The following ZNF837 variants were observed in gnomAD, a reference collection of about 807,000 sequenced individuals.
The protein encoded by ZNF837 is zinc finger protein 837.
For synonymous variants in ZNF837, 475 were observed against 365.2 expected (o/e 1.30, Z -3.43); for missense variants, 955 against 801.7 (o/e 1.19, Z -2.31).
chr19:58,378,260 G>T (rs2052265262), intron 1 of ZNF837, among the ~76,000 whole-genome samples: 1 of 152,198 alleles, frequency 6.6e-6, no homozygotes, highest in African/African-American at 2.4e-5. Flanking sequence ...CTGAGCAGCA[G>T]GAGGTCAGGG....
At chr19:58,377,673 C>A (rs1420345177) in intron 1 of ZNF837, among the ~76,000 whole-genome samples, 3 of 152,176 alleles carry the variant, frequency 2.0e-5, no homozygotes, top group Admixed American at 2.0e-4. Flanking sequence ...TCATTAGAAA[C>A]TGAACATGCT....
intron 1 of ZNF837, among the ~76,000 whole-genome samples, chr19:58,378,147 C>T (rs1011920894): frequency 2.0e-5 from 3 of 152,192 alleles, no homozygotes; most frequent in Non-Finnish European, 4.4e-5. Flanking sequence ...GATCTGAGGT[C>T]CCCACACATA....
rs750829621 is a variant in ZNF837 at position 58,367,839 on chromosome 19, C to T, written c.1494G>A (p.Thr498=). 20 of 1,534,062 alleles carry T rather than the reference C, an allele frequency of 1.3e-5. No homozygotes were observed. Among genetic ancestry groups the T allele is most frequent in the Middle Eastern group, 1.7e-4 (1 of 5,928 alleles). ...CTCCGCACGCGTAGGGCCGCTCGCC[C>T]GTGTGCGTGCGCAGGTGGCGCACCA... The part of the protein sequence containing the change: ...CSLVRHLRTH[T]GERPYACGDC... Residue 498 remains threonine (T), a synonymous_variant, in exon 3 of 3, where the codon ACG becomes ACA. Coordinates refer to ENST00000597582, the MANE Select transcript of ZNF837 (RefSeq NM_138466.2).
Position 58,368,271 on chromosome 19 carries a change from C to G in ZNF837, c.1062G>C (p.Arg354=). 1.3e-6 allele frequency: 2 copies of G among 1,482,486 alleles called. No individual in the cohort carries two copies. The highest frequency in any genetic ancestry group is 1.8e-6 in the Non-Finnish European group (2 of 1,122,612). 91.8% of individuals were successfully genotyped at this position (1,482,486 alleles called of 1,614,324 possible). The change falls in exon 3 of 3, where the codon CGG becomes CGC. Residue 354 remains arginine (R), a synonymous_variant. Transcript: ENST00000597582. ...CGDYSERSPR[R]GSGAGEKPYE... The stretch of plus-strand genomic sequence containing the variant: ...ACGGCTTCTCCCCGGCTCCCGACCC[C>G]CGTCGGGGACTCCGCTCGCTGTAGT...
At chr19:58,376,355 A>G (rs1267493744) in intron 1 of ZNF837, among the ~76,000 whole-genome samples, 1 of 151,876 alleles carries the variant, frequency 6.6e-6, no homozygotes, top group African/African-American at 2.4e-5. Context: ...GATCGAGACC[A>G]TCCTGGCTAA....
intron 1 of ZNF837, among the ~76,000 whole-genome samples, chr19:58,370,413 C>G (rs752270168): frequency 3.9e-5 from 6 of 152,210 alleles, no homozygotes; most frequent in Admixed American, 1.3e-4. Context: ...CTCCCCATCT[C>G]AAGATCCAAA....
In ZNF837 at chr19:58,367,862, C is replaced by T; in HGVS notation, c.1471G>A (p.Val491Met). The T allele has an allele frequency of 1.3e-6, 2 of 1,535,570 alleles. No individual in the cohort carries two copies. The highest frequency in any genetic ancestry group is 2.5e-5 in the East Asian group (1 of 40,700). The change falls in exon 3 of 3, where the codon GTG (valine) becomes ATG (methionine). Residue 491 changes from valine (V) to methionine (M), a missense_variant. Physicochemically the swap from Val to Met is conservative, Grantham distance 21. Transcript: ENST00000597582. ...GKAFVRNCSL[V>M]RHLRTHTGER... is the part of the protein sequence containing the mutation. ...CCCGTGTGCGTGCGCAGGTGGCGCA[C>T]CAGGCTGCAGTTGCGCACGAAGGCC... is the stretch of plus-strand genomic sequence containing the variant.
chr19:58,375,365 T>C (rs1368551748), intron 1 of ZNF837, among the ~76,000 whole-genome samples: 3 of 144,272 alleles, frequency 2.1e-5, no homozygotes, highest in East Asian at 2.0e-4. Flanking sequence ...AAATATATAT[T>C]AGAGATATAT....
intron 1 of ZNF837, among the ~76,000 whole-genome samples, chr19:58,374,958 T>TAA (rs1555782388): frequency 6.8e-6 from 1 of 146,546 alleles, no homozygotes; most frequent in Non-Finnish European, 1.5e-5. Context: ...TATATATATA[T>TAA]ACACACACAC....
chr19:58,369,420 C>G (rs1599923049), intron 2 of ZNF837, 59 bp from the exon 3 acceptor site: 3 of 1,299,920 alleles, frequency 2.3e-6, no homozygotes, highest in Non-Finnish European at 2.9e-6. Context: ...AAGTGGAGAA[C>G]TGGGCCAACG....
At chr19:58,380,027 CAG>C (rs61359471) in intron 1 of ZNF837, among the ~76,000 whole-genome samples, 53,505 of 151,582 alleles carry the variant, frequency 0.35, 10,883 homozygotes, top group Non-Finnish European at 0.45. Flanking sequence ...ACAACAAAAA[CAG>C]AATGTGCAGG....
Position 58,367,708 on chromosome 19 carries a change from GCGACGCGT to G in ZNF837, c.*21_*28del, listed in dbSNP as rs1179419631. The G allele has an allele frequency of 3.4e-6, 5 of 1,473,304 alleles. No individual in the cohort carries two copies. The East Asian group carries it at 1.3e-4, about 37-fold the overall frequency. 91.3% of individuals were successfully genotyped at this position (1,473,304 alleles called of 1,614,324 possible). On this transcript the variant is annotated 3_prime_UTR_variant, in exon 3 of 3. Coordinates refer to ENST00000597582, the MANE Select transcript of ZNF837 (RefSeq NM_138466.2). ...CCTCCTCGACGCAGGGTTCGCTTGGGCGACGCGTCGACTCTCGGCTCCCTGCAGTCAAG... is the reference window on the plus strand; with the variant it reads ...CCTCCTCGACGCAGGGTTCGCTTGGGCGACTCTCGGCTCCCTGCAGTCAAG...
rs374190573 is a variant in ZNF837 at position 58,369,260 on chromosome 19, G to C, written c.73C>G (p.Arg25Gly). 7.1e-7 allele frequency: 1 copy of C among 1,410,540 alleles called. No homozygotes were observed. Among genetic ancestry groups the C allele is most frequent in the Non-Finnish European group, 9.2e-7 (1 of 1,087,344 alleles). 87.4% of individuals were successfully genotyped at this position (1,410,540 alleles called of 1,614,324 possible). Residue 25 changes from arginine to glycine, a missense_variant, in exon 3 of 3, where the codon CGG becomes GGG. Coordinates refer to ENST00000597582, the MANE Select transcript of ZNF837 (RefSeq NM_138466.2). ...KADAQGASGA[R>G]EKRPEEPRPL... ...CTCGGCTCCTCGGGCCTCTTCTCCCGGGCCCCGGAGGCACCCTGGGCATCG... is the reference window on the plus strand; with the variant it reads ...CTCGGCTCCTCGGGCCTCTTCTCCCCGGCCCCGGAGGCACCCTGGGCATCG...
At chr19:58,376,868 C>T (rs887044250) in intron 1 of ZNF837, among the ~76,000 whole-genome samples, 48 of 150,752 alleles carry the variant, frequency 3.2e-4, no homozygotes, top group Non-Finnish European at 6.0e-4. Context: ...TGGCTTGAGC[C>T]CAGGAGTTAG....
Position 58,368,154 on chromosome 19 carries a change from G to C in ZNF837, c.1179C>G (p.Cys393Trp). The change falls in exon 3 of 3, where the codon TGC (cysteine) becomes TGG (tryptophan). Residue 393 changes from cysteine (C) to tryptophan (W), a missense_variant. Transcript: ENST00000597582. Reference protein sequence around the residue: ...RVHTGEKPYACPECGKAFNQR... With the variant: ...RVHTGEKPYAWPECGKAFNQR... ...GGTTGAAGGCCTTGCCGCACTCGGG[G>C]CACGCGTAGGGCTTCTCGCCGGTGT... The C allele has an allele frequency of 6.3e-7, 1 of 1,588,934 alleles. No individual in the cohort carries two copies. The highest frequency in any genetic ancestry group is 8.6e-7 in the Non-Finnish European group (1 of 1,169,198).
rs781657652 is a variant in ZNF837, at chr19:58,368,445, C to G, written c.888G>C (p.Glu296Asp). The G allele has an allele frequency of 3.8e-5, 60 of 1,565,200 alleles. No individual in the cohort carries two copies. The Admixed American group carries it at 1.1e-3, about 29-fold the overall frequency. The change falls in exon 3 of 3, where the codon GAG becomes GAC. Residue 296 changes from glutamate to aspartate, a missense_variant. Glu to Asp is a conservative substitution (Grantham distance 45, BLOSUM62 2). Transcript: ENST00000597582. ...LLQHQRIHTG[E>D]RPYECAECGK... Reference sequence around the variant, plus strand: ...CGCACTCGGCGCACTCGTAGGGCCGCTCGCCCGTGTGGATGCGCTGGTGCT... The same window carrying G: ...CGCACTCGGCGCACTCGTAGGGCCGGTCGCCCGTGTGGATGCGCTGGTGCT...
intron 1 of ZNF837, among the ~76,000 whole-genome samples, chr19:58,372,602 C>T (rs930358409): frequency 6.6e-6 from 1 of 152,318 alleles, no homozygotes; most frequent in South Asian, 2.1e-4. Context: ...AAAGGACTCA[C>T]GAAGCATTTA....
At chr19:58,375,021 G>A (rs2052230031) in intron 1 of ZNF837, among the ~76,000 whole-genome samples, 1 of 150,792 alleles carries the variant, frequency 6.6e-6, no homozygotes, top group African/African-American at 2.4e-5. Flanking sequence ...CACTTTAGGA[G>A]GCTGAGGCAG....
In ZNF837 at chr19:58,367,793, G is replaced by A; in HGVS notation, c.1540C>T (p.Gln514Ter). 1 of 1,536,292 alleles carries A rather than the reference G, an allele frequency of 6.5e-7. No homozygotes were observed. Among genetic ancestry groups the A allele is most frequent in the Non-Finnish European group, 8.7e-7 (1 of 1,145,960 alleles). The change falls in exon 3 of 3, where the codon CAA becomes TAA. Residue 514 changes from glutamine to a stop codon, truncating the protein, a stop_gained. Coordinates refer to ENST00000597582, the MANE Select transcript of ZNF837 (RefSeq NM_138466.2). LOFTEE classifies it low-confidence loss of function (END_TRUNC). ...CGGTGCTCGTTGAGGTTGGAGCGTT[G>A]GCTGAAGGCGCGGCCGCAATCTCCG... ...ACGDCGRAFS[Q>*]RSNLNEHRKR...
Sources: gnomAD v4.1 joint callset for allele counts (sites outside exome capture counted in the v4.1 genomes callset) on GRCh38, gnomAD v4.1.1 for gene constraint, MANE v1.5 for transcripts, NCBI Gene and HGNC (gene_info 2026-07-23, HGNC 2026-07-21) for gene names.